The following SNTG2 variants were observed in gnomAD, a reference collection of about 807,000 sequenced individuals.
SNTG2 encodes the protein syntrophin gamma 2, also known as gamma-2-syntrophin.
Under a neutral mutation model 70.9 loss-of-function variants are expected in SNTG2, and 74 were observed. The ratio of observed to expected loss-of-function variants is 1.04; its 90% CI spans 0.86 to 1.27. The LOEUF (loss-of-function observed/expected upper bound fraction) is 1.27, where lower values mean the gene tolerates loss of function less well. Ranked by LOEUF, SNTG2 falls within the 50% of genes most tolerant of loss-of-function variation. The probability of loss-of-function intolerance (pLI) is 0.00; values close to 1 mark genes in which losing one functional copy is unlikely to be tolerated. For missense variants in SNTG2, 717 were observed against 690.7 expected (o/e 1.04, Z -0.43); for synonymous variants, 278 against 273.8 (o/e 1.02, Z -0.15).
intron 1 of SNTG2, among the ~76,000 whole-genome samples, chr2:1,012,670 G>C (rs1457048812): frequency 7.7e-6 from 1 of 129,100 alleles, no homozygotes; most frequent in Non-Finnish European, 1.7e-5. Context: ...TAAGGGCAGA[G>C]AGAAGGGTGG....
chr2:977,391 G>A (rs2147963073), intron 1 of SNTG2, among the ~76,000 whole-genome samples: 1 of 152,248 alleles, frequency 6.6e-6, no homozygotes, highest in East Asian at 1.9e-4. Flanking sequence ...TGTGCCCACG[G>A]CCTGCTTTGA....
intron 4 of SNTG2, among the ~76,000 whole-genome samples, chr2:1,111,736 G>A (rs1443017953): frequency 6.6e-6 from 1 of 152,264 alleles, no homozygotes; most frequent in African/African-American, 2.4e-5. Context: ...GAGACTCCCT[G>A]AGAAGAATCG....
chr2:1,274,507 C>T (rs1301102178), intron 14 of SNTG2, among the ~76,000 whole-genome samples: 3 of 152,190 alleles, frequency 2.0e-5, no homozygotes, highest in African/African-American at 7.2e-5. Context: ...TTAATGAGGT[C>T]CACTTCATTG....
At chr2:1,352,079 C>G (rs989263450) in intron 16 of SNTG2, among the ~76,000 whole-genome samples, 7 of 152,228 alleles carry the variant, frequency 4.6e-5, no homozygotes, top group African/African-American at 1.7e-4. Context: ...CACAGCCCCA[C>G]AGGGTGACCA....
intron 14 of SNTG2, among the ~76,000 whole-genome samples, chr2:1,281,422 T>TGTGTAA (rs1679533704): frequency 2.3e-5 from 2 of 87,660 alleles, no homozygotes; most frequent in African/African-American, 1.0e-4. Context: ...TGTGTGTGTG[T>TGTGTAA]GTGGTGTGGT....
intron 1 of SNTG2, among the ~76,000 whole-genome samples, chr2:1,016,099 A>G (rs997469864): frequency 2.6e-5 from 4 of 152,204 alleles, no homozygotes; most frequent in Non-Finnish European, 5.9e-5. Flanking sequence ...CCATCAACAT[A>G]TCTAAATATG....
At chr2:1,300,431 G>C (rs953685226) in intron 14 of SNTG2, among the ~76,000 whole-genome samples, 2 of 152,182 alleles carry the variant, frequency 1.3e-5, no homozygotes, top group Non-Finnish European at 2.9e-5. Flanking sequence ...ATAAAAACAG[G>C]AAGATCCCTC....
At chr2:1,156,020 C>G (rs913131209) in intron 6 of SNTG2, among the ~76,000 whole-genome samples, 8 of 152,264 alleles carry the variant, frequency 5.3e-5, no homozygotes, top group Non-Finnish European at 8.8e-5. Flanking sequence ...GACAAAGGAA[C>G]CCCGCCGAGG....
At chr2:1,232,111 C>A (rs1016058845) in intron 9 of SNTG2, among the ~76,000 whole-genome samples, 3 of 152,164 alleles carry the variant, frequency 2.0e-5, no homozygotes, top group African/African-American at 7.2e-5. Context: ...CCTGCTTCTG[C>A]AGCACTGCCC....
At chr2:1,177,537 A>C (rs1160719065) in intron 8 of SNTG2, among the ~76,000 whole-genome samples, 1 of 152,132 alleles carries the variant, frequency 6.6e-6, no homozygotes, top group Non-Finnish European at 1.5e-5. Flanking sequence ...TAAAAAGAAA[A>C]TGATAGTAAA....
At chr2:1,130,053 C>T (rs1205050580) in intron 4 of SNTG2, among the ~76,000 whole-genome samples, 2 of 152,276 alleles carry the variant, frequency 1.3e-5, no homozygotes, top group East Asian at 1.9e-4. Context: ...ATTCATCTTA[C>T]ATTCTTGGCC....
chr2:1,136,319 C>G (rs1445039641), intron 4 of SNTG2, among the ~76,000 whole-genome samples: 5 of 151,280 alleles, frequency 3.3e-5, no homozygotes, highest in East Asian at 2.0e-4. Context: ...TAGAAAGAGA[C>G]AGAGAGACAC....
chr2:1,036,752 A>C (rs1018813973), intron 1 of SNTG2, among the ~76,000 whole-genome samples: 1 of 152,232 alleles, frequency 6.6e-6, no homozygotes, highest in African/African-American at 2.4e-5. Context: ...TTATGTTGTT[A>C]AAATACGCAC....
At chr2:1,161,891 G>T (rs928947052) in intron 6 of SNTG2, among the ~76,000 whole-genome samples, 1 of 151,950 alleles carries the variant, frequency 6.6e-6, no homozygotes, top group African/African-American at 2.4e-5. Flanking sequence ...TGGCTAACAC[G>T]GTGAAACCCC....
intron 2 of SNTG2, among the ~76,000 whole-genome samples, chr2:1,090,023 T>G (rs1572403898): frequency 6.6e-6 from 1 of 152,320 alleles, no homozygotes; most frequent in African/African-American, 2.4e-5. Context: ...ATTTTTAAAT[T>G]CTTCCTTCAT....
chr2:1,005,537 C>T lies in SNTG2; in HGVS notation c.72+54469C>T, dbSNP rs142035347. 5.3e-4 allele frequency among the ~76,000 whole-genome samples: 81 copies of T among 151,904 alleles called. No homozygotes were observed. The East Asian group carries it at 0.014, about 26-fold the overall frequency. Reference sequence around the variant, plus strand: ...TTAACGTTGGAGCTGGGCACAGTGGCTCACACCTGTAATCCCAGCACTTTG... The same window carrying T: ...TTAACGTTGGAGCTGGGCACAGTGGTTCACACCTGTAATCCCAGCACTTTG... On this transcript the variant is annotated intron_variant, in intron 1 of 16. Transcript: ENST00000308624.
Position 1,267,430 on chromosome 2 carries a change from T to A in SNTG2, c.1143T>A (p.Phe381Leu). 6.2e-7 allele frequency: 1 copy of A among 1,612,562 alleles called. No homozygotes were observed. The highest frequency in any genetic ancestry group is 1.3e-5 in the African/African-American group (1 of 75,024). ...ATCTGGGTCTTCAAGATTTTGACTT[T>A]GAGGACCAGAGGCCCTATTGCTTCA... ...NLYLGLQDFD[F>L]EDQRPYCFSI... Residue 381 changes from phenylalanine (F) to leucine (L), a missense_variant, in exon 14 of 17, where the codon TTT (phenylalanine) becomes TTA (leucine). Transcript: ENST00000308624.
At chr2:994,160 T>G (rs1661596801) in intron 1 of SNTG2, among the ~76,000 whole-genome samples, 1 of 152,076 alleles carries the variant, frequency 6.6e-6, no homozygotes, top group African/African-American at 2.4e-5. Context: ...TCTGAGTATA[T>G]TTTTGTATTT....
chr2:1,253,491 G>T (rs1028246020), intron 12 of SNTG2, among the ~76,000 whole-genome samples: 2 of 152,116 alleles, frequency 1.3e-5, no homozygotes, highest in Non-Finnish European at 2.9e-5. Flanking sequence ...ACAGAGCTTC[G>T]ATTCTCAGCA....
Sources: gnomAD v4.1 joint callset for allele counts (sites outside exome capture counted in the v4.1 genomes callset) on GRCh38, gnomAD v4.1.1 for gene constraint, MANE v1.5 for transcripts, NCBI Gene and HGNC (gene_info 2026-07-23, HGNC 2026-07-21) for gene names.